BCL2: variants seen among roughly 807,000 people sequenced by gnomAD.
BCL2 encodes apoptosis regulator Bcl-2.
In BCL2, 1 loss-of-function variant was observed where a neutral mutation model predicts 14.2. That is an observed-to-expected ratio of 0.07 (90% CI 0.02 to 0.33). The LOEUF (loss-of-function observed/expected upper bound fraction) is 0.33, where lower values mean the gene tolerates loss of function less well. BCL2 is among the 10% of genes least tolerant of loss of function. BCL2 has a pLI of 0.99. For missense variants in BCL2, 247 were observed against 305.9 expected (o/e 0.81, Z 1.44); for synonymous variants, 151 against 137.2 (o/e 1.10, Z -0.70).
chr18:63,262,245 G>C (rs1339534565), intron 2 of BCL2, among the ~76,000 whole-genome samples: 4 of 152,170 alleles, frequency 2.6e-5, no homozygotes, highest in Non-Finnish European at 4.4e-5. Context: ...TGGAGTAAAG[G>C]CACAAGTACA....
chr18:63,151,885 G>A (rs1914661125), intron 2 of BCL2, among the ~76,000 whole-genome samples: 1 of 152,178 alleles, frequency 6.6e-6, no homozygotes, highest in Non-Finnish European at 1.5e-5. Context: ...TTGGATAAAT[G>A]AGCTAGAAAA....
intron 2 of BCL2, among the ~76,000 whole-genome samples, chr18:63,248,034 T>C (rs1269042198): frequency 1.3e-5 from 2 of 152,172 alleles, no homozygotes; most frequent in East Asian, 3.8e-4. Flanking sequence ...GCCCAAAAGT[T>C]AGCCTTCTGA....
intron 2 of BCL2, among the ~76,000 whole-genome samples, chr18:63,204,547 A>C (rs1345081797): frequency 6.6e-6 from 1 of 152,188 alleles, no homozygotes; most frequent in Admixed American, 6.5e-5. Context: ...TCACATCCAT[A>C]TGAACAAATC....
intron 2 of BCL2, among the ~76,000 whole-genome samples, chr18:63,145,844 A>C (rs2144602336): frequency 6.6e-6 from 1 of 152,310 alleles, no homozygotes; most frequent in East Asian, 1.9e-4. Flanking sequence ...AGTGACTATA[A>C]GCTCAGCTCT....
chr18:63,198,843 A>AG (rs1909571641), intron 2 of BCL2, among the ~76,000 whole-genome samples: 13 of 142,594 alleles, frequency 9.1e-5, no homozygotes, highest in Admixed American at 2.1e-4. Flanking sequence ...ACAGACACAC[A>AG]TAGACACAGA....
chr18:63,123,660 A>T lies in BCL2; in HGVS notation c.*4965T>A, dbSNP rs1263485210. ...CTTATTGTACACTTATTTTTATTTA[A>T]AACAAAAATAACCCCAGTAACTCAA... On this transcript the variant is annotated 3_prime_UTR_variant, in exon 3 of 3. Transcript: ENST00000333681. 1 of 212,116 alleles carries T rather than the reference A, an allele frequency of 4.7e-6. No individual in the cohort carries two copies. Among genetic ancestry groups the T allele is most frequent in the Non-Finnish European group, 9.5e-6 (1 of 104,846 alleles). The allele number at this position is 212,116 out of a possible 1,614,324, so 13.1% of individuals were successfully genotyped here.
intron 2 of BCL2, among the ~76,000 whole-genome samples, chr18:63,155,374 C>G (rs1001847602): frequency 7.9e-5 from 12 of 152,084 alleles, no homozygotes; most frequent in African/African-American, 2.9e-4. Flanking sequence ...TCAACAGTAT[C>G]GGATGAGTCA....
chr18:63,220,170 C>T (rs538337797), intron 2 of BCL2, among the ~76,000 whole-genome samples: 1 of 152,248 alleles, frequency 6.6e-6, no homozygotes, highest in South Asian at 2.1e-4. Flanking sequence ...TGGATGAAAA[C>T]TTTTGTAAGG....
intron 2 of BCL2, among the ~76,000 whole-genome samples, chr18:63,273,904 A>G (rs975504566): frequency 1.3e-5 from 2 of 152,250 alleles, no homozygotes; most frequent in African/African-American, 4.8e-5. Context: ...AGGGAAATAG[A>G]CAAATGAAAT....
At chr18:63,212,648 G>A (rs570808289) in intron 2 of BCL2, among the ~76,000 whole-genome samples, 16 of 151,884 alleles carry the variant, frequency 1.1e-4, no homozygotes, top group South Asian at 2.1e-4. Context: ...AGATCCAGGC[G>A]GGCGGATCAC....
intron 2 of BCL2, chr18:63,315,813 C>T (rs1423866769): frequency 1.3e-5 from 2 of 152,134 alleles, no homozygotes; most frequent in African/African-American, 4.8e-5. Context: ...CATTCTCAAA[C>T]ACTACCACTT....
intron 2 of BCL2, among the ~76,000 whole-genome samples, chr18:63,304,290 G>A (rs1913053607): frequency 6.6e-6 from 1 of 152,138 alleles, no homozygotes; most frequent in Admixed American, 6.5e-5. Flanking sequence ...CCCAGAGTAG[G>A]CTCTTTACAG....
rs115648709 is a variant in BCL2, at chr18:63,253,962, T to C, written c.585+64120A>G. On this transcript the variant is annotated intron_variant, in intron 2 of 2. Coordinates refer to ENST00000333681, the MANE Select transcript of BCL2 (RefSeq NM_000633.3). ...TTTCTCTCTTATCGAGGAGGATTCA[T>C]TTCCCACCTGTTTCTTTTACGTTCT... is the stretch of plus-strand genomic sequence containing the variant. Among the ~76,000 whole-genome samples, 723 of 151,868 alleles carry C rather than the reference T, an allele frequency of 4.8e-3. 3 individuals are homozygous for C. Among genetic ancestry groups the C allele is most frequent in the African/African-American group, 0.017 (695 of 41,478 alleles).
chr18:63,256,516 C>A (rs1161207389), intron 2 of BCL2, among the ~76,000 whole-genome samples: 2 of 152,170 alleles, frequency 1.3e-5, no homozygotes, highest in Non-Finnish European at 2.9e-5. Flanking sequence ...CATGCCCGGC[C>A]AACTTTATGG....
intron 2 of BCL2, among the ~76,000 whole-genome samples, chr18:63,305,232 C>G (rs553327096): frequency 6.6e-6 from 1 of 152,316 alleles, no homozygotes; most frequent in East Asian, 1.9e-4. Flanking sequence ...ACATTTTTGA[C>G]ACAGAAAGCA....
chr18:63,133,319 A>ATTTTTTTTTTTTTTTTTTTTTTTTT lies in BCL2; in HGVS notation c.586-4561_586-4560insAAAAAAAAAAAAAAAAAAAAAAAAA, dbSNP rs34022610. Among the ~76,000 whole-genome samples, 2 of 103,372 alleles carry ATTTTTTTTTTTTTTTTTTTTTTTTT rather than the reference A, an allele frequency of 1.9e-5. 1 individual carries two copies. Among genetic ancestry groups the ATTTTTTTTTTTTTTTTTTTTTTTTT allele is most frequent in the African/African-American group, 7.2e-5 (2 of 27,662 alleles). The allele number at this position is 103,372 out of a possible 152,430, so 67.8% of individuals were successfully genotyped here. A position where few individuals can be genotyped will look rare whatever the true frequency, so the allele number is the denominator to read the frequency against. ...CCTTTTCCGTTCAGAACCTTCAAGA[A>ATTTTTTTTTTTTTTTTTTTTTTTTT]TTTTTTTTTTTTTTTTTTTTTGAGA... On this transcript the variant is annotated intron_variant, in intron 2 of 2. Transcript: ENST00000333681.
At chr18:63,132,253 T>C (rs1473814267) in intron 2 of BCL2, among the ~76,000 whole-genome samples, 2 of 152,244 alleles carry the variant, frequency 1.3e-5, no homozygotes, top group Admixed American at 6.5e-5. Flanking sequence ...AAATTCATTA[T>C]TGTGAAGATT....
At chr18:63,266,371 T>C (rs1911822747) in intron 2 of BCL2, among the ~76,000 whole-genome samples, 1 of 151,520 alleles carries the variant, frequency 6.6e-6, no homozygotes, top group African/African-American at 2.4e-5. Context: ...AGTGTCTACA[T>C]ATATATTTGT....
chr18:63,124,509 A>C lies in BCL2; in HGVS notation c.*4116T>G. ...AGAGGCATCACATCGACCCCAATAC[A>C]GGTCCTTCATACCCTTAGTTCTGGT... On this transcript the variant is annotated 3_prime_UTR_variant, in exon 3 of 3. Transcript: ENST00000333681. The C allele has an allele frequency of 4.3e-6, 1 of 231,964 alleles. No individual in the cohort carries two copies. Among genetic ancestry groups the C allele is most frequent in the East Asian group, 6.0e-5 (1 of 16,532 alleles). 14.4% of individuals were successfully genotyped at this position (231,964 alleles called of 1,614,324 possible).
Sources: gnomAD v4.1 joint callset for allele counts (sites outside exome capture counted in the v4.1 genomes callset) on GRCh38, gnomAD v4.1.1 for gene constraint, MANE v1.5 for transcripts, NCBI Gene and HGNC (gene_info 2026-07-23, HGNC 2026-07-21) for gene names.